RIN2: variants seen among roughly 807,000 people sequenced by gnomAD.
RIN2 encodes the protein Ras and Rab interactor 2.
A neutral mutation model predicts 78.0 loss-of-function variants in RIN2; 36 were observed. The ratio of observed to expected loss-of-function variants is 0.46; its 90% CI spans 0.35 to 0.61. RIN2 has a LOEUF of 0.61. Among genes scored for constraint, RIN2 ranks in the 20% least tolerant of loss-of-function variants. The pLI, the probability that RIN2 is intolerant of heterozygous loss-of-function variation, is 0.00. For synonymous variants in RIN2, 466 were observed against 466.8 expected (o/e 1.00, Z 0.02); for missense variants, 1,087 against 1,159.7 (o/e 0.94, Z 0.91).
chr20:19,782,029 T>G (rs2034525979), intron 1 of RIN2, among the ~76,000 whole-genome samples: 1 of 152,208 alleles, frequency 6.6e-6, no homozygotes. Flanking sequence ...TGTTTTATTG[T>G]TTGAGGTGTT....
At chr20:19,890,679 C>CAAAAAAAAAAAAAAAAAAA (rs534202183) in intron 3 of RIN2, among the ~76,000 whole-genome samples, 1 of 64,456 alleles carries the variant, frequency 1.6e-5, no homozygotes, top group African/African-American at 5.7e-5. Context: ...GTTGACTCTA[C>CAAAAAAAAAAAAAAAAAAA]AAAAAAAAAA....
At chr20:19,965,748 A>T (rs1040738428) in intron 7 of RIN2, among the ~76,000 whole-genome samples, 1 of 152,120 alleles carries the variant, frequency 6.6e-6, no homozygotes, top group Non-Finnish European at 1.5e-5. Context: ...AGTAGCTGAG[A>T]TTACAGGCGC....
chr20:19,909,885 G>T (rs932951024), intron 3 of RIN2, among the ~76,000 whole-genome samples: 1 of 152,168 alleles, frequency 6.6e-6, no homozygotes. Context: ...AGTAAATGGG[G>T]ACCATGATGC....
At chr20:19,968,632 G>GA (rs1324778296) in intron 7 of RIN2, among the ~76,000 whole-genome samples, 1 of 152,144 alleles carries the variant, frequency 6.6e-6, no homozygotes, top group Non-Finnish European at 1.5e-5. Context: ...ATATCATTAA[G>GA]AAAACCCCAA....
chr20:19,784,776 G>A lies in RIN2; in HGVS notation c.-162-14846G>A, dbSNP rs549987942. ...AGAAGGGCAGGAGTGTGCATAGCCC[G>A]GGGTGATGCAGCCCAGATCACATTA... On this transcript the variant is annotated intron_variant, in intron 1 of 12. Transcript: ENST00000255006. Among the ~76,000 whole-genome samples the A allele has an allele frequency of 3.9e-5, 6 of 152,112 alleles. No individual in the cohort carries two copies. In the South Asian group the frequency reaches 8.3e-4, roughly 21 times the overall value.
intron 4 of RIN2, among the ~76,000 whole-genome samples, chr20:19,948,138 C>CT (rs2041167139): frequency 6.6e-6 from 1 of 152,154 alleles, no homozygotes; most frequent in Admixed American, 6.5e-5. Context: ...ATGGTTCCAG[C>CT]TCCAAGGCAG....
intron 2 of RIN2, among the ~76,000 whole-genome samples, chr20:19,878,315 G>A (rs893436429): frequency 1.3e-5 from 2 of 152,150 alleles, no homozygotes; most frequent in African/African-American, 4.8e-5. Context: ...GGGCCCATGG[G>A]CTGACTCTGC....
intron 2 of RIN2, among the ~76,000 whole-genome samples, chr20:19,850,880 A>G (rs2036936934): frequency 6.6e-6 from 1 of 152,166 alleles, no homozygotes; most frequent in Admixed American, 6.5e-5. Flanking sequence ...AGGCTGAGGC[A>G]GGAGAATTGC....
At chr20:19,758,774 C>G (rs2033495287) in intron 1 of RIN2, among the ~76,000 whole-genome samples, 1 of 152,186 alleles carries the variant, frequency 6.6e-6, no homozygotes, top group South Asian at 2.1e-4. Flanking sequence ...TCAAGTGCTC[C>G]CTGCGCCTGA....
chr20:19,783,763 C>T (rs974406799), intron 1 of RIN2, among the ~76,000 whole-genome samples: 3 of 152,084 alleles, frequency 2.0e-5, no homozygotes, highest in East Asian at 1.9e-4. Context: ...GACTATCCCA[C>T]GAGGGGTGGA....
At chr20:19,954,139 G>C (rs562507041) in intron 4 of RIN2, among the ~76,000 whole-genome samples, 1 of 152,210 alleles carries the variant, frequency 6.6e-6, no homozygotes, top group Non-Finnish European at 1.5e-5. Flanking sequence ...AAAAATGATC[G>C]GCATAGGTTG....
At chr20:19,992,431 C>A in intron 11 of RIN2, 132 bp downstream of exon 11, 2 of 840,914 alleles carry the variant, frequency 2.4e-6, no homozygotes, top group Non-Finnish European at 3.5e-6. Context: ...AGTATATTCA[C>A]AATGTCATGC....
At chr20:19,839,569 T>G (rs2036521921) in intron 2 of RIN2, among the ~76,000 whole-genome samples, 1 of 152,244 alleles carries the variant, frequency 6.6e-6, no homozygotes, top group Non-Finnish European at 1.5e-5. Flanking sequence ...GAGTCTGTTC[T>G]GTCTTAAGAG....
intron 2 of RIN2, among the ~76,000 whole-genome samples, chr20:19,840,932 T>C (rs963739019): frequency 1.3e-5 from 2 of 152,210 alleles, no homozygotes; most frequent in Non-Finnish European, 2.9e-5. Context: ...TAAGAACGTT[T>C]CCATCATCTC....
At chr20:19,879,877 A>G (rs533693716) in intron 2 of RIN2, among the ~76,000 whole-genome samples, 6 of 152,336 alleles carry the variant, frequency 3.9e-5, no homozygotes, top group African/African-American at 1.4e-4. Context: ...CTCTGTAAGA[A>G]AAATCCAACC....
At chr20:19,910,186 C>CT (rs560139573) in intron 3 of RIN2, among the ~76,000 whole-genome samples, 7 of 151,966 alleles carry the variant, frequency 4.6e-5, no homozygotes, top group East Asian at 3.9e-4. Flanking sequence ...TACTTTCTCT[C>CT]TTTTTTTTGA....
At chr20:19,835,752 A>AT in intron 2 of RIN2, among the ~76,000 whole-genome samples, 1 of 152,186 alleles carries the variant, frequency 6.6e-6, no homozygotes, top group Non-Finnish European at 1.5e-5. Flanking sequence ...AATTATTTAA[A>AT]TTTTTTCAAG....
chr20:19,840,398 G>A (rs879423998), intron 2 of RIN2, among the ~76,000 whole-genome samples: 5 of 152,216 alleles, frequency 3.3e-5, no homozygotes, highest in Non-Finnish European at 5.9e-5. Context: ...TTTCACCAGC[G>A]TGACCGTGAG....
intron 2 of RIN2, chr20:19,872,422 G>A (rs576807446): frequency 6.6e-6 from 1 of 152,182 alleles, no homozygotes; most frequent in Non-Finnish European, 1.5e-5. Flanking sequence ...TGCAAAGGTG[G>A]GAGTGGGGAT....
Sources: gnomAD v4.1 joint callset for allele counts (sites outside exome capture counted in the v4.1 genomes callset) on GRCh38, gnomAD v4.1.1 for gene constraint, MANE v1.5 for transcripts, NCBI Gene and HGNC (gene_info 2026-07-23, HGNC 2026-07-21) for gene names.